GRM7: variants seen among roughly 807,000 people sequenced by gnomAD.
The protein encoded by GRM7 is metabotropic glutamate receptor 7.
In GRM7, 35 loss-of-function variants were observed where a neutral mutation model predicts 84.5. The ratio of observed to expected loss-of-function variants is 0.41; its 90% CI spans 0.32 to 0.55. The LOEUF (loss-of-function observed/expected upper bound fraction) is 0.55. Ranked by LOEUF, GRM7 falls within the 20% of genes least tolerant of loss-of-function variation. GRM7 has a pLI of 0.19. For synonymous variants in GRM7, 487 were observed against 455.1 expected (o/e 1.07, Z -0.89); for missense variants, 1,003 against 1,194.6 (o/e 0.84, Z 2.36).
chr3:7,326,461 A>C (rs1217031391), intron 4 of GRM7, among the ~76,000 whole-genome samples: 1 of 152,128 alleles, frequency 6.6e-6, no homozygotes, highest in Non-Finnish European at 1.5e-5. Flanking sequence ...TTTGTTGTTA[A>C]TGGCCATATC....
intron 1 of GRM7, among the ~76,000 whole-genome samples, chr3:6,944,142 C>A (rs535381923): frequency 5.3e-4 from 80 of 152,108 alleles, no homozygotes; most frequent in Non-Finnish European, 9.4e-4. Context: ...AAATTAATCT[C>A]TGTTTTTCAT....
intron 4 of GRM7, among the ~76,000 whole-genome samples, chr3:7,361,522 A>G (rs1361202364): frequency 6.6e-6 from 1 of 152,084 alleles, no homozygotes; most frequent in African/African-American, 2.4e-5. Flanking sequence ...GTTCTTGCTA[A>G]GACTCACATT....
chr3:7,082,594 T>C (rs1216332035), intron 1 of GRM7, among the ~76,000 whole-genome samples: 1 of 152,076 alleles, frequency 6.6e-6, no homozygotes, highest in African/African-American at 2.4e-5. Context: ...AAGAAGTACA[T>C]TTCATAAAGC....
At chr3:7,398,692 G>A (rs1326698117) in intron 4 of GRM7, among the ~76,000 whole-genome samples, 3 of 152,060 alleles carry the variant, frequency 2.0e-5, no homozygotes, top group African/African-American at 7.2e-5. Flanking sequence ...GGGGGGATCA[G>A]TGCAAAAGAA....
At chr3:6,971,827 G>A (rs189389626) in intron 1 of GRM7, among the ~76,000 whole-genome samples, 1 of 152,124 alleles carries the variant, frequency 6.6e-6, no homozygotes, top group Non-Finnish European at 1.5e-5. Context: ...AAAAGAAGTG[G>A]CACTTAACTA....
intron 9 of GRM7, among the ~76,000 whole-genome samples, chr3:7,738,423 TC>T (rs1426468765): frequency 6.6e-6 from 1 of 152,158 alleles, no homozygotes; most frequent in Non-Finnish European, 1.5e-5. Context: ...AAGAAGATAA[TC>T]TAAGTAAAGC....
At chr3:7,255,962 A>T (rs550461108) in intron 2 of GRM7, among the ~76,000 whole-genome samples, 1 of 152,106 alleles carries the variant, frequency 6.6e-6, no homozygotes, top group Non-Finnish European at 1.5e-5. Flanking sequence ...CTCCATTAAC[A>T]CTTAGATAAA....
chr3:7,567,852 G>A (rs944195748), intron 7 of GRM7, among the ~76,000 whole-genome samples: 1 of 147,648 alleles, frequency 6.8e-6, no homozygotes, highest in African/African-American at 2.5e-5. Context: ...TTTTCAAAAT[G>A]AGTTGAGGGA....
At chr3:7,413,097 A>G (rs1167224814) in intron 4 of GRM7, among the ~76,000 whole-genome samples, 1 of 152,100 alleles carries the variant, frequency 6.6e-6, no homozygotes, top group African/African-American at 2.4e-5. Context: ...CTTGTATTGG[A>G]CAGCCTATTC....
chr3:7,322,147 A>G (rs1213323652), intron 4 of GRM7, among the ~76,000 whole-genome samples: 1 of 152,164 alleles, frequency 6.6e-6, no homozygotes, highest in African/African-American at 2.4e-5. Flanking sequence ...ATATTTCCAT[A>G]AAATGTTAAT....
At chr3:7,382,119 T>C (rs1352582395) in intron 4 of GRM7, among the ~76,000 whole-genome samples, 1 of 152,186 alleles carries the variant, frequency 6.6e-6, no homozygotes. Flanking sequence ...CTTTTCTCTC[T>C]GTCTCTAAAA....
At chr3:6,942,950 G>A (rs73126710) in intron 1 of GRM7, among the ~76,000 whole-genome samples, 1,606 of 152,124 alleles carry the variant, frequency 0.011, 25 homozygotes, top group African/African-American at 0.036. Context: ...TTGTGATTTT[G>A]ATTTGAATTT....
intron 1 of GRM7, among the ~76,000 whole-genome samples, chr3:7,038,367 C>G (rs9311972): frequency 0.02 from 3,048 of 152,206 alleles, 96 homozygotes; most frequent in African/African-American, 0.07. Flanking sequence ...TACTTGGTAT[C>G]CTACAAACTA....
intron 1 of GRM7, among the ~76,000 whole-genome samples, chr3:6,990,966 G>A (rs1258965014): frequency 6.6e-6 from 1 of 152,016 alleles, no homozygotes; most frequent in Non-Finnish European, 1.5e-5. Flanking sequence ...CGCTTTGAGA[G>A]GCAAAGATAG....
intron 9 of GRM7, among the ~76,000 whole-genome samples, chr3:7,732,332 A>C (rs1322824379): frequency 1.3e-5 from 2 of 152,230 alleles, no homozygotes; most frequent in East Asian, 3.9e-4. Context: ...TGTCTCTGCC[A>C]TCCTGATACT....
intron 2 of GRM7, among the ~76,000 whole-genome samples, chr3:7,222,029 G>A (rs528408310): frequency 2.4e-4 from 36 of 151,758 alleles, no homozygotes; most frequent in African/African-American, 8.2e-4. Flanking sequence ...GGCTGGTTTC[G>A]AACTCCTGAC....
intron 7 of GRM7, among the ~76,000 whole-genome samples, chr3:7,461,988 A>C (rs1255930192): frequency 6.6e-6 from 1 of 152,134 alleles, no homozygotes; most frequent in African/African-American, 2.4e-5. Flanking sequence ...CTTAGCAAAC[A>C]GGTTACTACT....
At chr3:7,119,210 C>A (rs985845453) in intron 1 of GRM7, among the ~76,000 whole-genome samples, 5 of 152,080 alleles carry the variant, frequency 3.3e-5, no homozygotes, top group Non-Finnish European at 7.4e-5. Flanking sequence ...ATTAAACGTT[C>A]CTCAGTATTG....
intron 4 of GRM7, among the ~76,000 whole-genome samples, chr3:7,338,075 T>C (rs1035730974): frequency 9.3e-5 from 14 of 150,248 alleles, no homozygotes; most frequent in Non-Finnish European, 1.9e-4. Context: ...CCTTAAAGCA[T>C]ACATTTATAT....
Sources: allele counts gnomAD v4.1 joint callset (sites outside exome capture counted in the v4.1 genomes callset), GRCh38; gene constraint gnomAD v4.1.1; transcripts MANE v1.5; gene names NCBI Gene and HGNC (gene_info 2026-07-23, HGNC 2026-07-21).